ERC1: variants seen among roughly 807,000 people sequenced by gnomAD.
ERC1 encodes RAB6 interacting protein 2.
ERC1 carries 56 observed loss-of-function variants against 132.0 expected under a neutral mutation model. That is an observed-to-expected ratio of 0.42 (90% CI 0.34 to 0.53). ERC1 has a LOEUF of 0.53. Ranked by LOEUF, ERC1 falls within the 20% of genes least tolerant of loss-of-function variation. The probability of loss-of-function intolerance (pLI) is 0.03; values close to 1 mark genes in which losing one functional copy is unlikely to be tolerated. For missense variants in ERC1, 1,202 were observed against 1,349.9 expected (o/e 0.89, Z 1.72); for synonymous variants, 478 against 476.1 (o/e 1.00, Z -0.05).
In ERC1 at chr12:1,495,195, C is replaced by A. The variant is rs2094347978; in HGVS notation, c.*4965C>A. ...TGCCTGGCAGGCCACAGGACCTCTC[C>A]TGCCCACTTGGTGCTATCTCTTCCA... On this transcript the variant is annotated 3_prime_UTR_variant, in exon 19 of 19. Transcript: ENST00000360905. 4.3e-6 allele frequency: 1 copy of A among 230,988 alleles called. No individual in the cohort carries two copies. 14.3% of individuals were successfully genotyped at this position (230,988 alleles called of 1,614,324 possible).
At chr12:1,474,599 T>C (rs1162840795) in intron 18 of ERC1, among the ~76,000 whole-genome samples, 1 of 152,162 alleles carries the variant, frequency 6.6e-6, no homozygotes, top group African/African-American at 2.4e-5. Context: ...TGCTGAGCGG[T>C]AAATGTTTGG....
At chr12:1,258,847 T>G (rs1047911130) in intron 13 of ERC1, among the ~76,000 whole-genome samples, 20 of 152,240 alleles carry the variant, frequency 1.3e-4, no homozygotes, top group African/African-American at 4.8e-4. Context: ...AGCACAATGA[T>G]GTATAATCCA....
At chr12:1,096,863 A>C (rs1259392346) in intron 3 of ERC1, among the ~76,000 whole-genome samples, 1 of 152,168 alleles carries the variant, frequency 6.6e-6, no homozygotes, top group East Asian at 1.9e-4. Context: ...ACCCAGCCAG[A>C]ACTCTCCCTT....
At chr12:1,411,495 G>A (rs1021657572) in intron 17 of ERC1, among the ~76,000 whole-genome samples, 2 of 151,972 alleles carry the variant, frequency 1.3e-5, no homozygotes, top group African/African-American at 2.4e-5. Context: ...CTGTGAGGTG[G>A]GAAGCTGTCC....
At chr12:1,187,046 G>A (rs757406666) in intron 11 of ERC1, among the ~76,000 whole-genome samples, 4 of 152,170 alleles carry the variant, frequency 2.6e-5, no homozygotes, top group African/African-American at 7.2e-5. Context: ...GGCCAGGCTG[G>A]TCTTAAACTC....
At chr12:1,321,050 C>A (rs1474021646) in intron 15 of ERC1, among the ~76,000 whole-genome samples, 1 of 152,142 alleles carries the variant, frequency 6.6e-6, no homozygotes, top group Non-Finnish European at 1.5e-5. Context: ...CAGTATGCTA[C>A]CATTTGTTTA....
intron 15 of ERC1, among the ~76,000 whole-genome samples, chr12:1,299,350 T>C (rs564450744): frequency 1.3e-5 from 2 of 152,292 alleles, no homozygotes; most frequent in South Asian, 4.1e-4. Flanking sequence ...TAGAATTCAG[T>C]TAGAAGTTAA....
chr12:1,061,924 C>G (rs913270676), intron 2 of ERC1, among the ~76,000 whole-genome samples: 4 of 147,998 alleles, frequency 2.7e-5, no homozygotes, highest in African/African-American at 9.9e-5. Context: ...AAACCCCCCT[C>G]TTTGTACTGC....
At chr12:993,006 G>A (rs578084031) in intron 1 of ERC1, among the ~76,000 whole-genome samples, 1 of 152,316 alleles carries the variant, frequency 6.6e-6, no homozygotes, top group Non-Finnish European at 1.5e-5. Flanking sequence ...AGTAGTTGCA[G>A]ATCGTTGCTT....
At chr12:1,490,068 A>C in intron 18 of ERC1, 25 bp from the exon 19 acceptor site, 1 of 1,607,686 alleles carries the variant, frequency 6.2e-7, no homozygotes, top group Non-Finnish European at 8.5e-7. Context: ...TTGTATCTGA[A>C]ATCCATCTCT....
chr12:1,093,781 C>T (rs1052352943), intron 3 of ERC1, among the ~76,000 whole-genome samples: 4 of 150,856 alleles, frequency 2.7e-5, no homozygotes, highest in Non-Finnish European at 5.9e-5. Flanking sequence ...ATCTAACTAG[C>T]ATATCTGAGG....
At chr12:1,487,809 C>CA (rs113641282) in intron 18 of ERC1, among the ~76,000 whole-genome samples, 5 of 145,644 alleles carry the variant, frequency 3.4e-5, no homozygotes, top group South Asian at 2.1e-4. Context: ...AGAAAAGAAA[C>CA]GAGAGAGAGA....
At chr12:1,001,577 T>C (rs1396998161) in intron 1 of ERC1, among the ~76,000 whole-genome samples, 1 of 152,170 alleles carries the variant, frequency 6.6e-6, no homozygotes, top group Non-Finnish European at 1.5e-5. Flanking sequence ...TCACCTTCTT[T>C]TTTTGTGTGT....
chr12:1,194,088 TTAATAGTGAGTA>T, intron 12 of ERC1, among the ~76,000 whole-genome samples: 1 of 152,210 alleles, frequency 6.6e-6, no homozygotes, highest in Non-Finnish European at 1.5e-5. Flanking sequence ...TCTATTTAGA[TTAATAGTGAGTA>T]GGCTTTTCTT....
intron 12 of ERC1, among the ~76,000 whole-genome samples, chr12:1,218,833 TACAC>T (rs60378521): frequency 0.091 from 13,510 of 148,396 alleles, 1,014 homozygotes; most frequent in African/African-American, 0.21. Flanking sequence ...TATATATATA[TACAC>T]ACACACACAC....
intron 8 of ERC1, among the ~76,000 whole-genome samples, chr12:1,155,314 C>CA (rs151006544): frequency 0.032 from 1,745 of 54,390 alleles, 30 homozygotes; most frequent in East Asian, 0.05. Flanking sequence ...GACTTCATCT[C>CA]AAAAAAAAAA....
At chr12:1,202,557 T>A (rs1957010629) in intron 12 of ERC1, among the ~76,000 whole-genome samples, 1 of 151,998 alleles carries the variant, frequency 6.6e-6, no homozygotes, top group Admixed American at 6.6e-5. Flanking sequence ...TTTGGGAGGC[T>A]GAGGTGGGAG....
chr12:1,082,548 G>C (rs1451142518), intron 2 of ERC1, among the ~76,000 whole-genome samples: 8 of 144,944 alleles, frequency 5.5e-5, no homozygotes, highest in Non-Finnish European at 1.5e-5. Context: ...GGAGTGCAAT[G>C]AGTGCAGTCT....
chr12:1,417,120 C>T (rs1241012550), intron 17 of ERC1, among the ~76,000 whole-genome samples: 1 of 152,130 alleles, frequency 6.6e-6, no homozygotes, highest in Non-Finnish European at 1.5e-5. Flanking sequence ...ACTGTTTGAC[C>T]TCGGCACACC....
Sources: gnomAD v4.1 joint callset for allele counts (sites outside exome capture counted in the v4.1 genomes callset) on GRCh38, gnomAD v4.1.1 for gene constraint, MANE v1.5 for transcripts, NCBI Gene and HGNC (gene_info 2026-07-23, HGNC 2026-07-21) for gene names.